GALK2: variants seen among roughly 807,000 people sequenced by gnomAD.
GALK2 encodes the protein galactokinase 2.
In GALK2, 36 loss-of-function variants were observed where a neutral mutation model predicts 52.4. The ratio of observed to expected loss-of-function variants is 0.69; its 90% CI spans 0.53 to 0.91. The LOEUF is 0.91. GALK2 is among the 40% of genes least tolerant of loss of function. The pLI is 0.00. For synonymous variants in GALK2, 176 were observed against 199.1 expected (o/e 0.88, Z 0.98); for missense variants, 579 against 559.1 (o/e 1.04, Z -0.36).
At chr15:49,337,507 ACTTTTTTT>A (rs1567096595) in intron 3 of GALK2, among the ~76,000 whole-genome samples, 3 of 22,990 alleles carry the variant, frequency 1.3e-4, no homozygotes, top group African/African-American at 5.4e-4. Flanking sequence ...TCATTTACCC[ACTTTTTTT>A]TTTTTTTTTT....
chr15:49,282,207 T>A (rs2032800102), intron 6 of GALK2, 122 bp downstream of exon 6: 1 of 572,534 alleles, frequency 1.7e-6, no homozygotes, highest in Non-Finnish European at 3.1e-6. Context: ...TAGGCTCTAT[T>A]GTAGGATATT....
chr15:49,283,713 G>T lies in GALK2; in HGVS notation c.751G>T (p.Ala251Ser), dbSNP rs754923275. 70 of 1,613,716 alleles carry T rather than the reference G, an allele frequency of 4.3e-5. No individual in the cohort carries two copies. Among genetic ancestry groups the T allele is most frequent in the Non-Finnish European group, 5.6e-5 (66 of 1,179,860 alleles). ...NIRVMECRLAAKLLAKYKSLQ... is the reference protein window; with the variant it reads ...NIRVMECRLASKLLAKYKSLQ... ...CAGGGTGATGGAGTGTCGGCTGGCT[G>T]CGAAGGTATGAACTTGGCAGGCTAG... Residue 251 changes from alanine to serine, a missense_variant, in exon 7 of 10, where the codon GCG becomes TCG. Ala to Ser is a moderately conservative substitution (Grantham distance 99). Transcript: ENST00000560031.
chr15:49,183,610 A>G (rs1044257224), intron 1 of GALK2, among the ~76,000 whole-genome samples: 3 of 152,076 alleles, frequency 2.0e-5, no homozygotes, highest in Non-Finnish European at 4.4e-5. Flanking sequence ...TTGGGAGGCC[A>G]AGGCGGGCGG....
At chr15:49,175,938 A>G (rs2085418090) in intron 1 of GALK2, among the ~76,000 whole-genome samples, 1 of 152,090 alleles carries the variant, frequency 6.6e-6, no homozygotes, top group Admixed American at 6.5e-5. Flanking sequence ...GGACCCCCTT[A>G]GAGTTGTGAT....
At chr15:49,250,113 C>G (rs958367950) in intron 5 of GALK2, among the ~76,000 whole-genome samples, 2 of 152,058 alleles carry the variant, frequency 1.3e-5, no homozygotes, top group African/African-American at 4.8e-5. Context: ...GCGAGTGTAC[C>G]CTTTCTGCAG....
chr15:49,246,926 G>C (rs927657380), intron 5 of GALK2, among the ~76,000 whole-genome samples: 1 of 152,206 alleles, frequency 6.6e-6, no homozygotes, highest in Non-Finnish European at 1.5e-5. Context: ...AACCAGTGAA[G>C]TGCCCCTGCT....
chr15:49,329,804 T>C lies in GALK2; in HGVS notation c.*1645T>C, dbSNP rs2038257688. 1 of 889,002 alleles carries C rather than the reference T, an allele frequency of 1.1e-6. No homozygotes were observed. Among genetic ancestry groups the C allele is most frequent in the South Asian group, 5.3e-5 (1 of 18,986 alleles). The allele number at this position is 889,002 out of a possible 1,614,324, so 55.1% of individuals were successfully genotyped here. On this transcript the variant is annotated 3_prime_UTR_variant, in exon 10 of 10. Coordinates refer to ENST00000560031, the MANE Select transcript of GALK2 (RefSeq NM_002044.4). ...AATTCTTTAAAGATACCTGGATCAG[T>C]GTAAAAAAAAAAAAAAAAAGGCACC...
chr15:49,326,132 A>T (rs2037439715), intron 9 of GALK2, among the ~76,000 whole-genome samples: 1 of 152,170 alleles, frequency 6.6e-6, no homozygotes, highest in Non-Finnish European at 1.5e-5. Flanking sequence ...ATTCTTCTCT[A>T]GACCATGTCA....
chr15:49,338,296 C>T (rs531610082), intron 3 of GALK2, among the ~76,000 whole-genome samples: 171 of 152,248 alleles, frequency 1.1e-3, no homozygotes, highest in Non-Finnish European at 2.1e-3. Flanking sequence ...TTTAGTGCTT[C>T]TTTCAGCTCT....
intron 5 of GALK2, among the ~76,000 whole-genome samples, chr15:49,274,933 C>G (rs1192209488): frequency 6.6e-6 from 1 of 152,062 alleles, no homozygotes; most frequent in African/African-American, 2.4e-5. Context: ...TTCTGGCATA[C>G]CTCCCGAAGA....
intron 1 of GALK2, among the ~76,000 whole-genome samples, chr15:49,186,471 A>G (rs563091346): frequency 6.7e-6 from 1 of 148,472 alleles, no homozygotes; most frequent in East Asian, 2.0e-4. Context: ...CTTTTAAATT[A>G]TTTTAATGTA....
At chr15:49,256,922 C>T (rs1457945011) in intron 5 of GALK2, among the ~76,000 whole-genome samples, 1 of 152,158 alleles carries the variant, frequency 6.6e-6, no homozygotes, top group African/African-American at 2.4e-5. Flanking sequence ...ATCTCATTTG[C>T]AACATAATTT....
At chr15:49,162,148 C>G (rs774465736) in intron 1 of GALK2, among the ~76,000 whole-genome samples, 10 of 152,190 alleles carry the variant, frequency 6.6e-5, no homozygotes, top group South Asian at 2.1e-4. Context: ...TCTCCTCCCC[C>G]CTTAACTTTT....
intron 5 of GALK2, among the ~76,000 whole-genome samples, chr15:49,272,864 A>G (rs1366062310): frequency 6.6e-6 from 1 of 152,190 alleles, no homozygotes; most frequent in Non-Finnish European, 1.5e-5. Context: ...GTCCCTTCTC[A>G]GAATCTGGGT....
At chr15:49,209,146 T>C (rs2141343958) in intron 2 of GALK2, among the ~76,000 whole-genome samples, 1 of 152,348 alleles carries the variant, frequency 6.6e-6, no homozygotes, top group South Asian at 2.1e-4. Context: ...ATTTGGGCCA[T>C]TTACATTGAA....
At chr15:49,260,124 T>C (rs1456279870) in intron 5 of GALK2, among the ~76,000 whole-genome samples, 4 of 152,102 alleles carry the variant, frequency 2.6e-5, no homozygotes, top group Non-Finnish European at 4.4e-5. Flanking sequence ...TGAAATGGTA[T>C]TTCTAGTTCT....
At chr15:49,262,418 C>A (rs959939150) in intron 5 of GALK2, among the ~76,000 whole-genome samples, 2 of 151,908 alleles carry the variant, frequency 1.3e-5, no homozygotes, top group African/African-American at 4.8e-5. Context: ...GGTGATATCC[C>A]CTTTATCATT....
upstream of GALK2, among the ~76,000 whole-genome samples, chr15:49,168,623 C>T (rs755191735): frequency 5.3e-5 from 8 of 150,952 alleles, no homozygotes; most frequent in Non-Finnish European, 8.8e-5. Context: ...GAGGCTGAGA[C>T]GGGAGAATCG....
intron 1 of GALK2, chr15:49,156,328 T>C: frequency 4.7e-6 from 2 of 422,670 alleles, no homozygotes; most frequent in Non-Finnish European, 8.9e-6. Context: ...TGTAAGGAGA[T>C]GGGGGCTGCG....
Sources: allele counts gnomAD v4.1 joint callset (sites outside exome capture counted in the v4.1 genomes callset), GRCh38; gene constraint gnomAD v4.1.1; transcripts MANE v1.5; gene names NCBI Gene and HGNC (gene_info 2026-07-23, HGNC 2026-07-21).